ATG5: variants seen among roughly 807,000 people sequenced by gnomAD.
ATG5 encodes autophagy related 5, also known as autophagy protein 5.
A neutral mutation model predicts 36.5 loss-of-function variants in ATG5; 14 were observed. The ratio of observed to expected loss-of-function variants is 0.38; its 90% confidence interval spans 0.25 to 0.60. The LOEUF is 0.60. Among genes scored for constraint, ATG5 ranks in the 20% least tolerant of loss-of-function variants. The pLI, the probability that ATG5 is intolerant of heterozygous loss-of-function variation, is 0.60. For synonymous variants in ATG5, 95 were observed against 101.5 expected (o/e 0.94, Z 0.38); for missense variants, 195 against 326.7 (o/e 0.60, Z 3.11).
At chr6:106,323,179 C>A (rs553500784) in intron 1 of ATG5, among the ~76,000 whole-genome samples, 2 of 151,852 alleles carry the variant, frequency 1.3e-5, no homozygotes, top group Non-Finnish European at 2.9e-5. Context: ...CCTCGTGATC[C>A]GCCCGCCTTG....
intron 4 of ATG5, among the ~76,000 whole-genome samples, chr6:106,285,280 T>C (rs1562255580): frequency 6.6e-6 from 1 of 152,232 alleles, no homozygotes; most frequent in Admixed American, 6.5e-5. Context: ...TTACTGAATT[T>C]ATAATAGTTG....
chr6:106,291,044 C>A (rs1301027255), intron 4 of ATG5, among the ~76,000 whole-genome samples: 1 of 152,178 alleles, frequency 6.6e-6, no homozygotes, highest in Non-Finnish European at 1.5e-5. Flanking sequence ...TCTCAACAAC[C>A]ACAGTTTGTC....
intron 5 of ATG5, among the ~76,000 whole-genome samples, chr6:106,267,543 G>C (rs139804984): frequency 0.041 from 6,168 of 152,198 alleles, 342 homozygotes; most frequent in East Asian, 0.24. Context: ...ACAATCCTAA[G>C]CAAAAAGAAC....
At chr6:106,290,665 T>A (rs1780268849) in intron 4 of ATG5, among the ~76,000 whole-genome samples, 1 of 152,172 alleles carries the variant, frequency 6.6e-6, no homozygotes. Flanking sequence ...CAGTGAACAT[T>A]TTCTACTCTG....
intron 7 of ATG5, among the ~76,000 whole-genome samples, chr6:106,191,300 G>A (rs563987420): frequency 6.6e-6 from 1 of 152,170 alleles, no homozygotes; most frequent in Admixed American, 6.5e-5. Flanking sequence ...CACAGGTAAA[G>A]ATATGGCAGC....
Position 106,185,319 on chromosome 6 carries a change from T to A in ATG5, c.*1221A>T, listed in dbSNP as rs1005668310. 6.5e-6 allele frequency: 1 copy of A among 152,744 alleles called. No homozygotes were observed. Among genetic ancestry groups the A allele is most frequent in the Non-Finnish European group, 1.5e-5 (1 of 68,026 alleles). 9.5% of individuals were successfully genotyped at this position (152,744 alleles called of 1,614,324 possible). A position where few individuals can be genotyped will look rare whatever the true frequency, so the allele number is the denominator to read the frequency against. ...TGATCGTGTCTGATACTGTAAGCCT[T>A]TTAGCGTACTCAAATGGGTCAACAT... is the stretch of plus-strand genomic sequence containing the variant. On this transcript the variant is annotated 3_prime_UTR_variant, in exon 8 of 8. Coordinates refer to ENST00000369076, the MANE Select transcript of ATG5 (RefSeq NM_004849.4).
intron 7 of ATG5, among the ~76,000 whole-genome samples, chr6:106,200,581 T>C (rs1776386495): frequency 6.6e-6 from 1 of 151,964 alleles, no homozygotes; most frequent in South Asian, 2.1e-4. Flanking sequence ...TTCACGTCAT[T>C]CTCCTACCTC....
intron 1 of ATG5, among the ~76,000 whole-genome samples, chr6:106,323,020 T>G (rs74934086): frequency 2.0e-5 from 3 of 151,792 alleles, no homozygotes; most frequent in Admixed American, 6.6e-5. Flanking sequence ...CCCGGGTTCA[T>G]GCCATTCTCC....
intron 7 of ATG5, among the ~76,000 whole-genome samples, chr6:106,199,994 G>C (rs1230037149): frequency 1.3e-5 from 2 of 152,170 alleles, no homozygotes; most frequent in Non-Finnish European, 2.9e-5. Flanking sequence ...TGGGTAGTCA[G>C]TGGTCTCTTC....
chr6:106,320,060 T>C (rs1417309128), intron 1 of ATG5, among the ~76,000 whole-genome samples: 1 of 152,254 alleles, frequency 6.6e-6, no homozygotes, highest in East Asian at 1.9e-4. Context: ...ATTTTACAAA[T>C]GATAAATTTG....
At chr6:106,234,874 G>A (rs1777831717) in intron 6 of ATG5, among the ~76,000 whole-genome samples, 1 of 152,208 alleles carries the variant, frequency 6.6e-6, no homozygotes, top group South Asian at 2.1e-4. Context: ...CACCTTGCAA[G>A]ATCAACTTAA....
intron 5 of ATG5, among the ~76,000 whole-genome samples, chr6:106,270,836 A>G (rs920627848): frequency 6.6e-6 from 1 of 152,150 alleles, no homozygotes; most frequent in Non-Finnish European, 1.5e-5. Flanking sequence ...TGCCCAAATC[A>G]TAACCCAGGA....
chr6:106,235,403 C>T (rs1157285254), intron 6 of ATG5, among the ~76,000 whole-genome samples: 1 of 152,158 alleles, frequency 6.6e-6, no homozygotes, highest in African/African-American at 2.4e-5. Flanking sequence ...CCTACTATGC[C>T]CCAATTCCGC....
At chr6:106,319,304 T>C (rs1388342385) in intron 1 of ATG5, among the ~76,000 whole-genome samples, 2 of 151,992 alleles carry the variant, frequency 1.3e-5, no homozygotes. Context: ...ATCAAAAGCA[T>C]TATATAACAT....
At chr6:106,227,599 T>C (rs1164855836) in intron 6 of ATG5, among the ~76,000 whole-genome samples, 1 of 152,050 alleles carries the variant, frequency 6.6e-6, no homozygotes, top group African/African-American at 2.4e-5. Context: ...AAAGAAAAAA[T>C]GTCAACCAAA....
At chr6:106,213,929 A>G (rs1268447561) in intron 6 of ATG5, among the ~76,000 whole-genome samples, 1 of 152,210 alleles carries the variant, frequency 6.6e-6, no homozygotes, top group African/African-American at 2.4e-5. Context: ...AGGTAACAGT[A>G]TTTAGTTGTT....
intron 6 of ATG5, among the ~76,000 whole-genome samples, chr6:106,223,744 G>A (rs1050901592): frequency 6.6e-6 from 1 of 152,128 alleles, no homozygotes; most frequent in African/African-American, 2.4e-5. Context: ...CTACATACAT[G>A]GTGAAATATT....
At chr6:106,283,050 C>T (rs971439009) in intron 4 of ATG5, among the ~76,000 whole-genome samples, 12 of 152,022 alleles carry the variant, frequency 7.9e-5, no homozygotes, top group African/African-American at 2.9e-4. Flanking sequence ...TTCAGCCTCC[C>T]AAAGTACTGG....
intron 5 of ATG5, among the ~76,000 whole-genome samples, chr6:106,252,616 G>C (rs530974692): frequency 6.6e-6 from 1 of 152,056 alleles, no homozygotes; most frequent in Non-Finnish European, 1.5e-5. Flanking sequence ...TAAGCTTTAC[G>C]AGAGGTAAAA....
Sources: gnomAD v4.1 joint callset for allele counts (sites outside exome capture counted in the v4.1 genomes callset) on GRCh38, gnomAD v4.1.1 for gene constraint, MANE v1.5 for transcripts, NCBI Gene and HGNC (gene_info 2026-07-23, HGNC 2026-07-21) for gene names.